The following PHEX variants were observed in gnomAD, a reference collection of about 807,000 sequenced individuals.
PHEX encodes phosphate regulating endopeptidase X-linked.
In PHEX, 16 loss-of-function variants were observed where a neutral mutation model predicts 68.0. The ratio of observed to expected loss-of-function variants is 0.24; its 90% CI spans 0.16 to 0.36. The LOEUF (loss-of-function observed/expected upper bound fraction) is 0.36, where lower values mean the gene tolerates loss of function less well. Ranked by LOEUF, PHEX falls within the 10% of genes least tolerant of loss-of-function variation. The pLI is 1.00. For missense variants in PHEX, 480 were observed against 575.5 expected (o/e 0.83, Z 1.70); for synonymous variants, 208 against 205.1 (o/e 1.01, Z -0.12).
chrX:22,234,266 G>A (rs1935880894), intron 20 of PHEX, among the ~76,000 whole-genome samples: 1 of 112,418 alleles, frequency 8.9e-6, no homozygotes, highest in African/African-American at 3.2e-5. Flanking sequence ...GATACACGGG[G>A]GTCAGGTACC....
chrX:22,195,594 CAA>C (rs61581933), intron 15 of PHEX, among the ~76,000 whole-genome samples: 1,445 of 79,522 alleles, frequency 0.018, 28 homozygotes, highest in African/African-American at 0.055. Flanking sequence ...GACTCTGTCT[CAA>C]AAAAAAAAAA....
intron 11 of PHEX, among the ~76,000 whole-genome samples, chrX:22,132,874 G>T (rs185549616): frequency 0.023 from 2,395 of 102,524 alleles, 72 homozygotes; most frequent in African/African-American, 0.077. Flanking sequence ...GAAAGAAATG[G>T]TTTTTTTTTT....
chrX:22,184,598 T>G (rs1208615981), intron 14 of PHEX, among the ~76,000 whole-genome samples: 2 of 112,003 alleles, frequency 1.8e-5, no homozygotes, highest in Non-Finnish European at 3.8e-5. Flanking sequence ...TGGTCATCCC[T>G]GAAGGTACAT....
At position 22,219,069 on chromosome X, in the gene PHEX, C is replaced by T. The variant is rs769379550; in HGVS notation, c.1734C>T (p.Val578=). ...SLSYGAIGVI[V]GHEFTHGFDN... is the part of the protein sequence containing the mutation. ...GTTATGGTGCTATAGGAGTAATTGT[C>T]GGACATGAATTTACACATGGATTTG... The change falls in exon 17 of 22, where the codon GTC becomes GTT. Residue 578 remains valine (V), a synonymous_variant. Transcript: ENST00000379374. 5 of 1,184,406 alleles carry T rather than the reference C, an allele frequency of 4.2e-6. No homozygotes were observed. Among genetic ancestry groups the T allele is most frequent in the South Asian group, 3.6e-5 (2 of 56,219 alleles).
At chrX:22,101,418 C>T (rs1930419498) in intron 9 of PHEX, among the ~76,000 whole-genome samples, 2 of 111,973 alleles carry the variant, frequency 1.8e-5, no homozygotes, top group Non-Finnish European at 3.8e-5. Context: ...GAAAAGTCTT[C>T]TTGGGTTCCC....
chrX:22,240,381 A>G (rs886856759), intron 20 of PHEX, among the ~76,000 whole-genome samples: 4 of 112,270 alleles, frequency 3.6e-5, no homozygotes, highest in Non-Finnish European at 7.5e-5. Flanking sequence ...AAATTCACAC[A>G]TAACAATATT....
chrX:22,193,251 A>C (rs1262820994), intron 15 of PHEX, among the ~76,000 whole-genome samples: 8 of 111,056 alleles, frequency 7.2e-5, no homozygotes, highest in Non-Finnish European at 1.1e-4. Flanking sequence ...ATTCACTTAA[A>C]AACGTTTTAT....
intron 2 of PHEX, among the ~76,000 whole-genome samples, chrX:22,041,297 A>C (rs1261922418): frequency 1.1e-5 from 1 of 89,784 alleles, no homozygotes; most frequent in Admixed American, 1.3e-4. Flanking sequence ...ATATATATAT[A>C]TATATTTTAA....
rs772841489 is a variant in PHEX at position 22,219,765 on chromosome X, C to T, written c.1768+662C>T. 2.8e-4 allele frequency among the ~76,000 whole-genome samples: 31 copies of T among 111,022 alleles called. No individual in the cohort carries two copies. In the East Asian group the frequency reaches 8.6e-3, roughly 31 times the overall value. On this transcript the variant is annotated intron_variant, in intron 17 of 21. Coordinates refer to ENST00000379374, the MANE Select transcript of PHEX (RefSeq NM_000444.6). ...TCCCGAGTAGCTGGGATTACGGGCA[C>T]GTGCCACTATGCCCAGCTAATTTTT...
At chrX:22,172,887 C>T (rs1418159393) in intron 13 of PHEX, 1 of 110,923 alleles carries the variant, frequency 9.0e-6, no homozygotes, top group East Asian at 2.8e-4. Flanking sequence ...TTTCAGAGGC[C>T]AAAGTTTCTG....
intron 8 of PHEX, 111 bp downstream of exon 8, chrX:22,097,149 A>G (rs1930178786): frequency 1.7e-6 from 1 of 579,303 alleles, no homozygotes; most frequent in Non-Finnish European, 3.0e-6. Context: ...AGTCTTGGTT[A>G]TCATCATCTT....
chrX:22,096,904 A>G lies in PHEX; in HGVS notation c.850-51A>G, dbSNP rs369652869. The G allele has an allele frequency of 4.2e-5, 39 of 931,684 alleles. No individual in the cohort carries two copies. In the East Asian group the frequency reaches 4.9e-4, roughly 12 times the overall value. The allele number at this position is 931,684 out of a possible 1,213,427, so 76.8% of individuals were successfully genotyped here. A position where few individuals can be genotyped will look rare whatever the true frequency, so the allele number is the denominator to read the frequency against. The stretch of plus-strand genomic sequence containing the variant: ...TGGCACATGTAGGAAGTAATCATAC[A>G]GTAAGAAATGGTTCACTTGAAAAAA... On this transcript the variant is annotated intron_variant, in intron 7 of 21. Coordinates refer to ENST00000379374, the MANE Select transcript of PHEX (RefSeq NM_000444.6).
intron 2 of PHEX, among the ~76,000 whole-genome samples, chrX:22,044,712 C>CAAAA (rs1376285177): frequency 1.0e-5 from 1 of 95,306 alleles, no homozygotes; most frequent in African/African-American, 3.9e-5. Context: ...GACTCTGTCT[C>CAAAA]AAAAAATAAA....
At chrX:22,059,305 C>T (rs1445501917) in intron 3 of PHEX, among the ~76,000 whole-genome samples, 3 of 112,238 alleles carry the variant, frequency 2.7e-5, no homozygotes, top group African/African-American at 9.7e-5. Context: ...GTACTATTAG[C>T]AGTGCCTGTG....
intron 10 of PHEX, 49 bp from the exon 11 acceptor site, chrX:22,114,409 A>G (rs1184658498): frequency 1.7e-6 from 2 of 1,167,665 alleles, no homozygotes; most frequent in Non-Finnish European, 2.3e-6. Context: ...GTTTTCAGCC[A>G]TGGGTTTTAT....
At chrX:22,221,572 C>T (rs2147174282) in intron 17 of PHEX, 41 bp from the exon 18 acceptor site, 10 of 1,142,558 alleles carry the variant, frequency 8.8e-6, no homozygotes, top group Non-Finnish European at 1.2e-5. Flanking sequence ...ATTTAGTTTC[C>T]ATAAATAACA....
intron 11 of PHEX, among the ~76,000 whole-genome samples, chrX:22,129,282 G>A (rs1931877419): frequency 9.0e-6 from 1 of 111,485 alleles, no homozygotes; most frequent in Non-Finnish European, 1.9e-5. Flanking sequence ...GTTTATTTCT[G>A]GAATTTTCCA....
chrX:22,198,126 A>G, intron 15 of PHEX, among the ~76,000 whole-genome samples: 1 of 99,840 alleles, frequency 1.0e-5, no homozygotes, highest in African/African-American at 4.0e-5. Flanking sequence ...TTATACATAT[A>G]ATATATTATA....
At chrX:22,209,419 A>G (rs1452885362) in intron 15 of PHEX, among the ~76,000 whole-genome samples, 3 of 110,817 alleles carry the variant, frequency 2.7e-5, no homozygotes, top group Non-Finnish European at 5.7e-5. Context: ...ACATTACACA[A>G]AATAACTCCA....
Sources: gnomAD v4.1 joint callset for allele counts (sites outside exome capture counted in the v4.1 genomes callset) on GRCh38, gnomAD v4.1.1 for gene constraint, MANE v1.5 for transcripts, NCBI Gene and HGNC (gene_info 2026-07-23, HGNC 2026-07-21) for gene names.